Variants in KCNMA1 observed in about 807,000 individuals in gnomAD.
KCNMA1 encodes the protein Calcium-activated potassium channel subunit alpha-1.
KCNMA1 carries 29 observed loss-of-function variants against 140.0 expected under a neutral mutation model. The ratio of observed to expected loss-of-function variants is 0.21; its 90% CI spans 0.15 to 0.28. KCNMA1 has a LOEUF of 0.28. Ranked by LOEUF, KCNMA1 falls within the 10% of genes least tolerant of loss-of-function variation. KCNMA1 has a pLI of 1.00. For synonymous variants in KCNMA1, 612 were observed against 611.9 expected, an observed-to-expected ratio of 1.00 and a Z score of 0.00; for missense variants, 880 against 1,602.2, an observed-to-expected ratio of 0.55 and a Z score of 7.70.
intron 1 of KCNMA1, among the ~76,000 whole-genome samples, chr10:77,410,077 G>A (rs1566661655): frequency 6.6e-6 from 1 of 152,126 alleles, no homozygotes. Flanking sequence ...AAGAAGTCCT[G>A]TGCCACAAAG....
intron 1 of KCNMA1, among the ~76,000 whole-genome samples, chr10:77,558,091 G>A (rs2065159027): frequency 6.6e-6 from 1 of 152,102 alleles, no homozygotes; most frequent in Admixed American, 6.6e-5. Context: ...ATTTTCTCAA[G>A]TTCTCTTTCA....
chr10:77,015,392 T>C (rs1177242233), intron 17 of KCNMA1, among the ~76,000 whole-genome samples: 1 of 152,146 alleles, frequency 6.6e-6, no homozygotes, highest in Non-Finnish European at 1.5e-5. Context: ...CCTTTCTTGC[T>C]AGCTCTGCAG....
chr10:77,268,950 T>C (rs1393892985), intron 2 of KCNMA1, among the ~76,000 whole-genome samples: 5 of 152,194 alleles, frequency 3.3e-5, no homozygotes, highest in African/African-American at 1.2e-4. Flanking sequence ...AATCCAAGCA[T>C]CTTGTGGCAG....
At chr10:77,439,154 GAAGAGAAGAA>G (rs879337908) in intron 1 of KCNMA1, among the ~76,000 whole-genome samples, 5,436 of 126,240 alleles carry the variant, frequency 0.043, 109 homozygotes, top group East Asian at 0.088. Flanking sequence ...AGAGAAAAGA[GAAGAGAAGAA>G]AAGAAAAGAG....
rs571255241 is a variant in KCNMA1, at chr10:77,309,066, C to T, written c.541-57810G>A. Among the ~76,000 whole-genome samples, 10 of 152,320 alleles carry T rather than the reference C, an allele frequency of 6.6e-5. 1 individual carries two copies. The South Asian group carries it at 1.7e-3, about 25-fold the overall frequency. On this transcript the variant is annotated intron_variant, in intron 2 of 27. Coordinates refer to ENST00000286628, the MANE Select transcript of KCNMA1 (RefSeq NM_001161352.2). ...AGCCCGGCCATCTCAACAGTATTTT[C>T]GCCATCTGGGCCAACCACGTGCCGG...
intron 2 of KCNMA1, among the ~76,000 whole-genome samples, chr10:77,386,634 GT>G (rs972462928): frequency 6.6e-6 from 1 of 152,224 alleles, no homozygotes; most frequent in African/African-American, 2.4e-5. Context: ...AAAAGCTGGA[GT>G]TTTCCTTGTT....
chr10:77,137,023 T>C (rs1247048493), intron 5 of KCNMA1, among the ~76,000 whole-genome samples: 1 of 152,176 alleles, frequency 6.6e-6, no homozygotes, highest in Non-Finnish European at 1.5e-5. Flanking sequence ...CTGTGGAATT[T>C]TAGCAATGAC....
At position 77,570,930 on chromosome 10, in the gene KCNMA1, C is replaced by CAAAAA. The variant is rs376767570; in HGVS notation, c.378+66330_378+66334dup. 8.6e-4 allele frequency among the ~76,000 whole-genome samples: 125 copies of CAAAAA among 145,028 alleles called. 1 individual carries two copies. Among genetic ancestry groups the CAAAAA allele is most frequent in the Admixed American group, 2.1e-3 (30 of 14,570 alleles). On this transcript the variant is annotated intron_variant, in intron 1 of 27. Transcript: ENST00000286628. ...TGGGCAACAGAGCCAGACTCTGTCT[C>CAAAAA]AAAAAAAAAAAAATACTTTCTTTGA...
rs371078233 is a variant in KCNMA1 at position 77,053,589 on chromosome 10, C to T, written c.1750-13952G>A. Among the ~76,000 whole-genome samples, 38 of 152,270 alleles carry T rather than the reference C, an allele frequency of 2.5e-4. No individual in the cohort carries two copies. In the East Asian group the frequency reaches 2.5e-3, roughly 10 times the overall value. On this transcript the variant is annotated intron_variant, in intron 14 of 27. Coordinates refer to ENST00000286628, the MANE Select transcript of KCNMA1 (RefSeq NM_001161352.2). ...CACAAAGAGCTCCAGGGACCTTCCC[C>T]GACATCAGTCATTTACAAAAGTGTT...
At chr10:77,142,094 G>A (rs563328838) in intron 5 of KCNMA1, among the ~76,000 whole-genome samples, 52 of 152,290 alleles carry the variant, frequency 3.4e-4, no homozygotes, top group Admixed American at 6.5e-4. Context: ...TAGGCCGGGC[G>A]CAGTGGCTCA....
At chr10:77,476,235 A>G (rs1000257462) in intron 1 of KCNMA1, among the ~76,000 whole-genome samples, 1 of 152,212 alleles carries the variant, frequency 6.6e-6, no homozygotes, top group African/African-American at 2.4e-5. Flanking sequence ...ATTTATAATT[A>G]GCACATGTCA....
intron 3 of KCNMA1, among the ~76,000 whole-genome samples, chr10:77,203,606 T>C (rs2043115451): frequency 6.6e-6 from 1 of 152,162 alleles, no homozygotes; most frequent in Non-Finnish European, 1.5e-5. Context: ...GTGTTTTGTG[T>C]CTGGGTTCCC....
chr10:77,019,195 G>A (rs2092540845), intron 16 of KCNMA1, 96 bp from the exon 17 acceptor site: 1 of 744,532 alleles, frequency 1.3e-6, no homozygotes, highest in Non-Finnish European at 2.4e-6. Flanking sequence ...GTGTTTATAG[G>A]GGGCCCACTA....
intron 2 of KCNMA1, among the ~76,000 whole-genome samples, chr10:77,355,927 G>GA (rs2093438358): frequency 6.6e-6 from 1 of 151,558 alleles, no homozygotes; most frequent in African/African-American, 2.4e-5. Context: ...ATTACTCAGT[G>GA]AAAAAACGAC....
intron 5 of KCNMA1, among the ~76,000 whole-genome samples, chr10:77,166,257 C>T (rs1295741492): frequency 6.6e-6 from 1 of 152,204 alleles, no homozygotes; most frequent in Non-Finnish European, 1.5e-5. Flanking sequence ...TGAGAAAGCA[C>T]TTCTGACCCA....
chr10:76,953,750 T>C (rs768173408), intron 21 of KCNMA1, 51 bp downstream of exon 21: 2 of 1,612,884 alleles, frequency 1.2e-6, no homozygotes, highest in Non-Finnish European at 1.7e-6. Flanking sequence ...TCCTAGCAAA[T>C]GTGGTTTGGG....
intron 3 of KCNMA1, among the ~76,000 whole-genome samples, chr10:77,239,506 C>A (rs940177986): frequency 2.0e-5 from 3 of 152,192 alleles, no homozygotes; most frequent in African/African-American, 7.2e-5. Context: ...CTAGTAGATT[C>A]CACCATCAGA....
chr10:77,531,727 G>T (rs1426402034), intron 1 of KCNMA1, among the ~76,000 whole-genome samples: 11 of 152,184 alleles, frequency 7.2e-5, no homozygotes, highest in Admixed American at 7.2e-4. Context: ...TTCCAACCTA[G>T]CCTGGAAAAT....
intron 1 of KCNMA1, chr10:77,636,915 C>T: frequency 7.0e-7 from 1 of 1,419,536 alleles, no homozygotes; most frequent in Non-Finnish European, 9.1e-7. Flanking sequence ...CAGCTTCCTC[C>T]GTCCCCGCTG....
Sources: gnomAD v4.1 joint callset for allele counts (sites outside exome capture counted in the v4.1 genomes callset) on GRCh38, gnomAD v4.1.1 for gene constraint, MANE v1.5 for transcripts, NCBI Gene and HGNC (gene_info 2026-07-23, HGNC 2026-07-21) for gene names.